Variants in MRTFA observed in about 807,000 individuals in gnomAD.
MRTFA encodes myocardin-related transcription factor A.
MRTFA carries 20 observed loss-of-function variants against 83.5 expected under a neutral mutation model. The observed-to-expected ratio is 0.24, with a 90% CI of 0.17 to 0.35. MRTFA has a LOEUF of 0.35. MRTFA is among the 10% of genes least tolerant of loss of function. The probability of loss-of-function intolerance (pLI) is 1.00; values close to 1 mark genes in which losing one functional copy is unlikely to be tolerated. For synonymous variants in MRTFA, 659 were observed against 541.2 expected, an observed-to-expected ratio of 1.22 and a Z score of -3.02; for missense variants, 1,200 against 1,224.7, an observed-to-expected ratio of 0.98 and a Z score of 0.30.
intron 4 of MRTFA, among the ~76,000 whole-genome samples, chr22:40,446,294 C>A (rs1027051965): frequency 6.6e-6 from 1 of 152,132 alleles, no homozygotes; most frequent in African/African-American, 2.4e-5. Flanking sequence ...AATAAAATTG[C>A]AAAATAGCAA....
At chr22:40,599,227 G>A (rs1486631739) in intron 1 of MRTFA, among the ~76,000 whole-genome samples, 3 of 152,070 alleles carry the variant, frequency 2.0e-5, no homozygotes, top group African/African-American at 7.2e-5. Flanking sequence ...GAACCCAGGA[G>A]GCGGAGGTTG....
chr22:40,534,769 T>A (rs1178500769), intron 3 of MRTFA, among the ~76,000 whole-genome samples: 1 of 152,216 alleles, frequency 6.6e-6, no homozygotes, highest in East Asian at 1.9e-4. Flanking sequence ...AGAATCCATG[T>A]TTGGTGTGTT....
chr22:40,483,677 T>TCC (rs2054129060), intron 3 of MRTFA, among the ~76,000 whole-genome samples: 1 of 151,060 alleles, frequency 6.6e-6, no homozygotes, highest in African/African-American at 2.4e-5. Context: ...AGAGTGAGAC[T>TCC]GTCTCAATAA....
At position 40,418,659 on chromosome 22, in the gene MRTFA, G is replaced by A. The variant is rs72655386; in HGVS notation, c.2079C>T (p.Pro693=). ...CCAGGCTGGGGTTGAATGGGTGAGC[G>A]GGGCCCAGGGGCTGCTGGCTCAGCT... Residue 693 remains proline (P), a synonymous_variant, in exon 12 of 15, where the codon CCC becomes CCT. Transcript: ENST00000355630. 215 of 1,526,238 alleles carry A rather than the reference G, an allele frequency of 1.4e-4. 1 individual carries two copies. The East Asian group carries it at 2.6e-3, about 18-fold the overall frequency. 94.5% of individuals were successfully genotyped at this position (1,526,238 alleles called of 1,614,324 possible).
intron 4 of MRTFA, among the ~76,000 whole-genome samples, chr22:40,461,413 G>T (rs2053709501): frequency 6.6e-6 from 1 of 151,622 alleles, no homozygotes; most frequent in Non-Finnish European, 1.5e-5. Context: ...TGCCACTAAG[G>T]AGCCTGAGGC....
chr22:40,634,764 T>G (rs1166992603), intron 1 of MRTFA, among the ~76,000 whole-genome samples: 1 of 152,208 alleles, frequency 6.6e-6, no homozygotes, highest in African/African-American at 2.4e-5. Flanking sequence ...ACCCAAACTT[T>G]ATGGTTTTGC....
intron 4 of MRTFA, among the ~76,000 whole-genome samples, chr22:40,441,456 G>A (rs1056286391): frequency 6.6e-6 from 1 of 152,136 alleles, no homozygotes; most frequent in African/African-American, 2.4e-5. Flanking sequence ...AGATATAAAA[G>A]GTGAAAAACT....
At chr22:40,604,621 C>T (rs1438648583) in intron 1 of MRTFA, among the ~76,000 whole-genome samples, 7 of 151,918 alleles carry the variant, frequency 4.6e-5, no homozygotes, top group Admixed American at 3.9e-4. Context: ...GTGGCATGCA[C>T]CTGTAATCCC....
chr22:40,455,343 C>T (rs1168497742), intron 4 of MRTFA, among the ~76,000 whole-genome samples: 2 of 152,034 alleles, frequency 1.3e-5, no homozygotes, highest in African/African-American at 4.8e-5. Context: ...GAATTCATAA[C>T]TTGGAGAAAA....
intron 3 of MRTFA, among the ~76,000 whole-genome samples, chr22:40,469,552 T>A (rs2053865309): frequency 6.6e-6 from 1 of 152,172 alleles, no homozygotes; most frequent in Admixed American, 6.5e-5. Context: ...CATGTACCCC[T>A]TTTAGCAACC....
chr22:40,634,993 C>T (rs976591617), intron 1 of MRTFA, among the ~76,000 whole-genome samples: 2 of 151,532 alleles, frequency 1.3e-5, no homozygotes, highest in Non-Finnish European at 2.9e-5. Context: ...TAGTTATTGG[C>T]CAAAAACTGA....
intron 4 of MRTFA, among the ~76,000 whole-genome samples, chr22:40,442,226 A>G (rs2053290778): frequency 6.6e-6 from 1 of 152,202 alleles, no homozygotes; most frequent in Admixed American, 6.5e-5. Context: ...ATGTTGCTTT[A>G]TTAGGTGTTA....
At chr22:40,566,781 C>A (rs746637507) in intron 2 of MRTFA, among the ~76,000 whole-genome samples, 1 of 152,096 alleles carries the variant, frequency 6.6e-6, no homozygotes, top group African/African-American at 2.4e-5. Context: ...TGCAGTGAGC[C>A]GACATCACAC....
intron 3 of MRTFA, among the ~76,000 whole-genome samples, chr22:40,503,590 A>G (rs956730012): frequency 2.6e-5 from 4 of 152,200 alleles, no homozygotes; most frequent in Admixed American, 6.5e-5. Flanking sequence ...TCAACAACAA[A>G]TAGTCTTTAT....
chr22:40,526,385 G>A (rs538527927), intron 3 of MRTFA: 64 of 152,298 alleles, frequency 4.2e-4, no homozygotes, highest in African/African-American at 1.5e-3. Context: ...CAAGCCATGA[G>A]GCTACTCAGG....
chr22:40,426,849 C>T (rs2052964541), intron 7 of MRTFA, among the ~76,000 whole-genome samples: 1 of 152,202 alleles, frequency 6.6e-6, no homozygotes, highest in Non-Finnish European at 1.5e-5. Context: ...CTGACAACAG[C>T]AGCAACCATT....
intron 1 of MRTFA, among the ~76,000 whole-genome samples, chr22:40,628,770 C>A (rs774211147): frequency 6.6e-6 from 1 of 152,188 alleles, no homozygotes; most frequent in Non-Finnish European, 1.5e-5. Context: ...CTGGGCTCAG[C>A]CCCTGGACTG....
Position 40,418,894 on chromosome 22 carries a change from C to A in MRTFA, c.1844G>T (p.Arg615Leu). The change falls in exon 12 of 15, where the codon CGG becomes CTG. Residue 615 changes from arginine to leucine, a missense_variant. Physicochemically the swap from Arg to Leu is moderately radical, Grantham distance 102. This residue lies in a region of MRTFA where 1,107 missense variants were observed against 1,041.8 expected (regional missense o/e 1.06). Coordinates refer to ENST00000355630, the MANE Select transcript of MRTFA (RefSeq NM_020831.6). ...CTTGTCGCGCCCCTCTAGCTCCGCC[C>A]GCCCCCCAGGGCTCAGGCAACAGGA... is the stretch of plus-strand genomic sequence containing the variant. 1 of 1,612,604 alleles carries A rather than the reference C, an allele frequency of 6.2e-7. No homozygotes were observed. The highest frequency in any genetic ancestry group is 8.5e-7 in the Non-Finnish European group (1 of 1,179,846).
chr22:40,544,454 T>C (rs1279040852), intron 3 of MRTFA, among the ~76,000 whole-genome samples: 4 of 152,202 alleles, frequency 2.6e-5, no homozygotes, highest in Non-Finnish European at 4.4e-5. Flanking sequence ...CTTGAACTCC[T>C]GGCCTCAAGC....
Sources: allele counts gnomAD v4.1 joint callset (sites outside exome capture counted in the v4.1 genomes callset), GRCh38; gene constraint gnomAD v4.1.1; regional missense constraint gnomAD v4.1.1; transcripts MANE v1.5; gene names NCBI Gene and HGNC (gene_info 2026-07-23, HGNC 2026-07-21).